The following HINT1 variants were observed in gnomAD, a reference collection of about 807,000 sequenced individuals.
The protein encoded by HINT1 is histidine triad nucleotide binding protein 1.
A neutral mutation model predicts 11.2 loss-of-function variants in HINT1; 12 were observed. The observed-to-expected ratio is 1.07, with a 90% CI of 0.69 to 1.74. The LOEUF is 1.74. HINT1 is among the 40% of genes most tolerant of loss of function. The pLI is 0.00. For missense variants in HINT1, 150 were observed against 161.8 expected, an observed-to-expected ratio of 0.93 and a Z score of 0.40; for synonymous variants, 42 against 52.6, an observed-to-expected ratio of 0.80 and a Z score of 0.87.
chr5:131,159,915 G>A (rs1049720898), intron 2 of HINT1, among the ~76,000 whole-genome samples: 28 of 151,908 alleles, frequency 1.8e-4, no homozygotes, highest in African/African-American at 6.5e-4. Flanking sequence ...GCAGTGGCAC[G>A]ATCTCAGCTC....
chr5:131,162,595 C>A lies in HINT1; in HGVS notation c.193G>T (p.Val65Leu). 6.2e-7 allele frequency: 1 copy of A among 1,612,708 alleles called. No homozygotes were observed. The change falls in exon 2 of 3, where the codon GTG becomes TTG. Residue 65 changes from valine to leucine, a missense_variant. Transcript: ENST00000304043. ...IPKKHISQIS[V>L]AEDDDESLLG... ...ACACTTTCATCATCATCTTCTGCCA[C>A]AGAAATCTGGGATATATGTTTCTTG...
chr5:131,164,844 A>C (rs1422658154), intron 1 of HINT1, among the ~76,000 whole-genome samples: 1 of 151,636 alleles, frequency 6.6e-6, no homozygotes, highest in Non-Finnish European at 1.5e-5. Context: ...GCGGTGCGGC[A>C]CTCAGGGCGC....
intron 2 of HINT1, 45 bp downstream of exon 2, chr5:131,162,527 C>G (rs1755281001): frequency 2.5e-6 from 4 of 1,608,432 alleles, no homozygotes; most frequent in Non-Finnish European, 3.4e-6. Context: ...ATTAATCTCA[C>G]AATTTAAAAA....
chr5:131,161,419 C>G (rs1245005267), intron 2 of HINT1, among the ~76,000 whole-genome samples: 3 of 151,828 alleles, frequency 2.0e-5, no homozygotes, highest in Non-Finnish European at 4.4e-5. Flanking sequence ...ACCTGACCAA[C>G]ATGGAGAAAC....
chr5:131,163,585 GTTTT>G (rs201269628), intron 1 of HINT1, among the ~76,000 whole-genome samples: 1 of 144,778 alleles, frequency 6.9e-6, no homozygotes, highest in Non-Finnish European at 1.5e-5. Flanking sequence ...CAATTTCCTG[GTTTT>G]TTTTTTTTCT....
At chr5:131,160,385 T>A (rs1209826667) in intron 2 of HINT1, among the ~76,000 whole-genome samples, 2 of 152,210 alleles carry the variant, frequency 1.3e-5, no homozygotes, top group African/African-American at 4.8e-5. Flanking sequence ...TATTTACACA[T>A]GGAGTCTATT....
chr5:131,162,231 G>T, intron 2 of HINT1: 1 of 568,666 alleles, frequency 1.8e-6, no homozygotes, highest in Non-Finnish European at 3.1e-6. Flanking sequence ...GCTGAGGCAG[G>T]AGAATGGTGT....
intron 2 of HINT1, 136 bp downstream of exon 2, chr5:131,162,436 T>G: frequency 6.5e-7 from 1 of 1,535,798 alleles, no homozygotes; most frequent in Non-Finnish European, 8.7e-7. Flanking sequence ...AGCTGGGCAG[T>G]TGAAGTCCTA....
In HINT1 at chr5:131,160,829, T is replaced by C. The variant is rs1284299931; in HGVS notation, c.217-1218A>G. ...TGATATGCAGTAAAATACTCTTACA[T>C]GAGATATTCAACACTCTGTTACAGA... On this transcript the variant is annotated intron_variant, in intron 2 of 2. Transcript: ENST00000304043. The C allele has an allele frequency of 6.4e-6, 3 of 466,202 alleles. 1 individual carries two copies. The highest frequency in any genetic ancestry group is 1.3e-5 in the Non-Finnish European group (3 of 236,128). 28.9% of individuals were successfully genotyped at this position (466,202 alleles called of 1,614,324 possible). A position where few individuals can be genotyped will look rare whatever the true frequency, so the allele number is the denominator to read the frequency against.
chr5:131,164,625 G>A (rs1755344264), intron 1 of HINT1, among the ~76,000 whole-genome samples: 1 of 152,202 alleles, frequency 6.6e-6, no homozygotes, highest in South Asian at 2.1e-4. Flanking sequence ...GCTGAGCAGC[G>A]CCCAGGAACG....
intron 1 of HINT1, among the ~76,000 whole-genome samples, chr5:131,163,419 C>G (rs141195331): frequency 2.6e-5 from 4 of 152,242 alleles, no homozygotes; most frequent in African/African-American, 9.6e-5. Context: ...TCCTCTCCCC[C>G]TCCAAACCCC....
chr5:131,162,796 C>T, intron 1 of HINT1, 120 bp from the exon 2 acceptor site: 2 of 641,964 alleles, frequency 3.1e-6, no homozygotes, highest in Non-Finnish European at 5.5e-6. Flanking sequence ...GCTAAGAAAA[C>T]AGAAGTGTAC....
At chr5:131,159,867 T>A (rs1191181332) in intron 2 of HINT1, among the ~76,000 whole-genome samples, 1 of 152,114 alleles carries the variant, frequency 6.6e-6, no homozygotes, top group African/African-American at 2.4e-5. Flanking sequence ...CTTTTTTTTT[T>A]AAGAGATGGG....
chr5:131,161,132 A>G (rs1755237485), intron 2 of HINT1, among the ~76,000 whole-genome samples: 1 of 152,160 alleles, frequency 6.6e-6, no homozygotes, highest in African/African-American at 2.4e-5. Context: ...TGGTTCAGTA[A>G]ACGTTTCCTG....
chr5:131,160,073 C>T (rs985653672), intron 2 of HINT1, among the ~76,000 whole-genome samples: 1 of 151,940 alleles, frequency 6.6e-6, no homozygotes. Flanking sequence ...AGGCTGGTCT[C>T]GAACTCCTGC....
At chr5:131,161,870 C>T (rs1755258217) in intron 2 of HINT1, among the ~76,000 whole-genome samples, 1 of 152,110 alleles carries the variant, frequency 6.6e-6, no homozygotes, top group Non-Finnish European at 1.5e-5. Context: ...CCTCTGCCAC[C>T]CCTGAGACAG....
At chr5:131,160,786 G>C (rs1162515916) in intron 2 of HINT1, 2 of 558,734 alleles carry the variant, frequency 3.6e-6, no homozygotes, top group South Asian at 3.0e-5. Context: ...TTCGAATTCT[G>C]ATCCTTTTCC....
In HINT1 at chr5:131,164,941, C is replaced by G. The variant is rs926794278; in HGVS notation, c.111+154G>C. 22 of 1,130,956 alleles carry G rather than the reference C, an allele frequency of 1.9e-5. No homozygotes were observed. The African/African-American group carries it at 3.2e-4, about 16-fold the overall frequency. The allele number at this position is 1,130,956 out of a possible 1,614,324, so 70.1% of individuals were successfully genotyped here. ...CAGGCCGCCTCGGAGTGCCCGGGCC[C>G]TGTCCGCTGGCTGGGGGCCCGCTGG... On this transcript the variant is annotated intron_variant, in intron 1 of 2. Coordinates refer to ENST00000304043, the MANE Select transcript of HINT1 (RefSeq NM_005340.7).
chr5:131,159,750 T>A, intron 2 of HINT1, 139 bp from the exon 3 acceptor site: 1 of 714,770 alleles, frequency 1.4e-6, no homozygotes, highest in Non-Finnish European at 2.3e-6. Context: ...TGGAAACTCT[T>A]AATCCCAACA....
Sources: allele counts gnomAD v4.1 joint callset (sites outside exome capture counted in the v4.1 genomes callset), GRCh38; gene constraint gnomAD v4.1.1; transcripts MANE v1.5; gene names NCBI Gene and HGNC (gene_info 2026-07-23, HGNC 2026-07-21).